Variants in PCF11 observed in about 807,000 individuals in gnomAD.
PCF11 encodes the protein pre-mRNA cleavage complex 2 protein Pcf11.
A neutral mutation model predicts 166.1 loss-of-function variants in PCF11; 19 were observed. The observed-to-expected ratio is 0.11, with a 90% CI of 0.08 to 0.17. PCF11 has a LOEUF of 0.17. PCF11 is among the 10% of genes least tolerant of loss of function. The pLI, the probability that PCF11 is intolerant of heterozygous loss-of-function variation, is 1.00. For missense variants in PCF11, 1,565 were observed against 1,855.5 expected, an observed-to-expected ratio of 0.84 and a Z score of 2.88; for synonymous variants, 663 against 644.1, an observed-to-expected ratio of 1.03 and a Z score of -0.44.
At chr11:83,168,361 A>G in intron 7 of PCF11, 67 bp from the exon 8 acceptor site, 1 of 1,366,688 alleles carries the variant, frequency 7.3e-7, no homozygotes, top group Non-Finnish European at 9.8e-7. Context: ...ATTTGGATAA[A>G]CATTCATACG....
exon 1 of PCF11, chr11:83,157,444 C>T (rs1330665295): frequency 1.2e-6 from 2 of 1,609,164 alleles, no homozygotes; most frequent in Non-Finnish European, 1.7e-6. Flanking sequence ...GGCGCAATGT[C>T]AGAGCAGACG....
In PCF11 at chr11:83,168,375, A is replaced by G. The variant is rs943606055; in HGVS notation, c.2093-53A>G. ...TATTTGGATAAACATTCATACGAAA[A>G]TAGAAGATTTTAAGATAACTTTAGT... is the stretch of plus-strand genomic sequence containing the variant. On this transcript the variant is annotated intron_variant, in intron 7 of 15. Transcript: ENST00000298281. The G allele has an allele frequency of 9.0e-6, 13 of 1,446,802 alleles. No individual in the cohort carries two copies. In the Admixed American group the frequency reaches 1.2e-4, roughly 14 times the overall value. 89.6% of individuals were successfully genotyped at this position (1,446,802 alleles called of 1,614,324 possible). A position where few individuals can be genotyped will look rare whatever the true frequency, so the allele number is the denominator to read the frequency against.
chr11:83,176,347 A>G (rs182361969), intron 9 of PCF11, among the ~76,000 whole-genome samples: 1 of 152,254 alleles, frequency 6.6e-6, no homozygotes, highest in Non-Finnish European at 1.5e-5. Context: ...TATATACCCA[A>G]AGGATTATAA....
chr11:83,167,412 C>T lies in PCF11; in HGVS notation c.2002-3C>T. 6.3e-7 allele frequency: 1 copy of T among 1,591,384 alleles called. No homozygotes were observed. Among genetic ancestry groups the T allele is most frequent in the Non-Finnish European group, 8.5e-7 (1 of 1,171,838 alleles). On this transcript the variant is annotated splice_region_variant and splice_polypyrimidine_tract_variant and intron_variant, in intron 6 of 15. Transcript: ENST00000298281. This position sits in a 1 kb window ranked among gnomAD's most constrained non-coding sequence, Gnocchi z 4.2. ...TTTATTTCCTTTTATCACCCCTATA[C>T]AGACGAGTGAACGTTTAGCATCTGG...
intron 1 of PCF11, among the ~76,000 whole-genome samples, chr11:83,159,368 A>C (rs1860138514): frequency 6.6e-6 from 1 of 152,186 alleles, no homozygotes; most frequent in African/African-American, 2.4e-5. Flanking sequence ...AAAAACATTG[A>C]TTTTTAAAAT....
At position 83,167,411 on chromosome 11, in the gene PCF11, A is replaced by G; in HGVS notation, c.2002-4A>G. 6.3e-7 allele frequency: 1 copy of G among 1,591,616 alleles called. No homozygotes were observed. Among genetic ancestry groups the G allele is most frequent in the Non-Finnish European group, 8.5e-7 (1 of 1,171,936 alleles). ...TTTTATTTCCTTTTATCACCCCTAT[A>G]CAGACGAGTGAACGTTTAGCATCTG... On this transcript the variant is annotated splice_region_variant and splice_polypyrimidine_tract_variant and intron_variant, in intron 6 of 15. Transcript: ENST00000298281. This position sits in a 1 kb window ranked among gnomAD's most constrained non-coding sequence, Gnocchi z 4.2.
exon 16 of PCF11, chr11:83,185,706 GTTAAC>G (rs1861266025): frequency 6.6e-6 from 1 of 152,462 alleles, no homozygotes; most frequent in African/African-American, 2.4e-5. Flanking sequence ...TTGAGATATG[GTTAAC>G]TTTTTTCTTT....
exon 12 of PCF11, chr11:83,181,146 T>A: frequency 8.1e-6 from 13 of 1,611,606 alleles, no homozygotes; most frequent in Non-Finnish European, 1.1e-5. Flanking sequence ...CTGAAAAGGA[T>A]GTTAGCCGAA....
chr11:83,178,148 C>G (rs1485521679), intron 11 of PCF11, among the ~76,000 whole-genome samples: 3 of 152,062 alleles, frequency 2.0e-5, no homozygotes, highest in African/African-American at 4.8e-5. Flanking sequence ...TCAAGTGATT[C>G]TCCTGGGATT....
exon 8 of PCF11, chr11:83,168,947 A>T (rs1860574332): frequency 1.2e-6 from 2 of 1,613,680 alleles, no homozygotes; most frequent in African/African-American, 2.7e-5. Context: ...CCAGGAGGCC[A>T]GCCTGTGGGT....
At chr11:83,183,138 T>C in intron 15 of PCF11, 65 bp downstream of exon 15, 1 of 940,468 alleles carries the variant, frequency 1.1e-6, no homozygotes, top group South Asian at 1.6e-5. Context: ...TTTCAGTTTT[T>C]TTTTTGCATC....
Position 83,167,626 on chromosome 11 carries a change from G to A in PCF11, c.2092+121G>A. 6.5e-7 allele frequency: 1 copy of A among 1,536,100 alleles called. No individual in the cohort carries two copies. The highest frequency in any genetic ancestry group is 8.7e-7 in the Non-Finnish European group (1 of 1,144,078). On this transcript the variant is annotated intron_variant, in intron 7 of 15. Coordinates refer to ENST00000298281, the Ensembl canonical transcript of PCF11. The surrounding 1 kb of genome is among the most constrained non-coding windows in gnomAD (Gnocchi z 4.2). ...TATGAACATAAAGCAAAACTGAAAA[G>A]GACACAGGTTCAGCATTCATTTCCA...
At chr11:83,186,606 G>A (rs1326229558) in exon 16 of PCF11, 1 of 152,202 alleles carries the variant, frequency 6.6e-6, no homozygotes, top group African/African-American at 2.4e-5. Flanking sequence ...GACCAGAGCA[G>A]CCACTAGAAA....
At chr11:83,169,935 T>C (rs1188749282) in exon 8 of PCF11, 1 of 1,608,564 alleles carries the variant, frequency 6.2e-7, no homozygotes, top group Non-Finnish European at 8.5e-7. Context: ...GTTCTCAATT[T>C]GGAAACTTTG....
exon 1 of PCF11, chr11:83,157,388 A>T: frequency 6.5e-7 from 1 of 1,535,804 alleles, no homozygotes; most frequent in Non-Finnish European, 8.9e-7. Flanking sequence ...CGGGGTATCC[A>T]GAGCGGCTTC....
intron 11 of PCF11, among the ~76,000 whole-genome samples, chr11:83,178,946 T>A (rs529950676): frequency 6.6e-6 from 1 of 152,266 alleles, no homozygotes; most frequent in African/African-American, 2.4e-5. Context: ...TTGGTGCATA[T>A]CTTTTCATAA....
chr11:83,157,464 G>T (rs1860035220), exon 1 of PCF11: 3 of 1,611,942 alleles, frequency 1.9e-6, no homozygotes, highest in Non-Finnish European at 2.5e-6. Flanking sequence ...GCCGGCCGAG[G>T]CCGGTGCTGC....
chr11:83,170,306 C>G (rs1449639487), intron 8 of PCF11, among the ~76,000 whole-genome samples: 1 of 151,916 alleles, frequency 6.6e-6, no homozygotes, highest in East Asian at 1.9e-4. Flanking sequence ...AATTGTGTGT[C>G]ATAGACCTCT....
exon 5 of PCF11, chr11:83,166,509 T>C (rs1860466660): frequency 1.9e-6 from 3 of 1,613,712 alleles, no homozygotes; most frequent in Non-Finnish European, 2.5e-6. Flanking sequence ...TACACCACCT[T>C]CTAGGGAAGA....
Sources: gnomAD v4.1 joint callset for allele counts (sites outside exome capture counted in the v4.1 genomes callset) on GRCh38, gnomAD v4.1.1 for gene constraint, Gnocchi (gnomAD v3.1) non-coding constraint, MANE v1.5 for transcripts, NCBI Gene and HGNC (gene_info 2026-07-23, HGNC 2026-07-21) for gene names.